Variants in TMC1 observed in about 807,000 individuals in gnomAD.
TMC1 encodes transmembrane channel like 1, also known as transmembrane channel-like protein 1.
In TMC1, 84 loss-of-function variants were observed where a neutral mutation model predicts 105.8. The observed-to-expected ratio is 0.79, with a 90% CI of 0.67 to 0.95. The LOEUF (loss-of-function observed/expected upper bound fraction) is 0.95, where lower values mean the gene tolerates loss of function less well. TMC1 is among the 40% of genes least tolerant of loss of function. The probability of loss-of-function intolerance (pLI) is 0.00; values close to 1 mark genes in which losing one functional copy is unlikely to be tolerated. For synonymous variants in TMC1, 315 were observed against 311.5 expected (o/e 1.01, Z -0.12); for missense variants, 817 against 914.1 (o/e 0.89, Z 1.37).
intron 8 of TMC1, among the ~76,000 whole-genome samples, chr9:72,738,041 C>T (rs1162281736): frequency 2.6e-5 from 4 of 152,128 alleles, no homozygotes; most frequent in Non-Finnish European, 5.9e-5. Context: ...ATTAGATACT[C>T]CCTTGTCTAC....
At chr9:72,779,011 C>T (rs1828049666) in intron 13 of TMC1, among the ~76,000 whole-genome samples, 1 of 152,192 alleles carries the variant, frequency 6.6e-6, no homozygotes. Context: ...GCCACTGCCC[C>T]GACAAAGCAC....
At chr9:72,540,285 T>G (rs547783419) in intron 1 of TMC1, among the ~76,000 whole-genome samples, 1 of 152,140 alleles carries the variant, frequency 6.6e-6, no homozygotes, top group African/African-American at 2.4e-5. Flanking sequence ...AAATGGGGGG[T>G]AGGAAGGTGA....
At chr9:72,728,162 G>C (rs992503625) in intron 8 of TMC1, among the ~76,000 whole-genome samples, 1 of 152,112 alleles carries the variant, frequency 6.6e-6, no homozygotes, top group Non-Finnish European at 1.5e-5. Context: ...GAAAGAGGAG[G>C]TTAGAACTTG....
intron 15 of TMC1, among the ~76,000 whole-genome samples, chr9:72,791,673 C>A (rs951703398): frequency 1.1e-4 from 16 of 152,194 alleles, no homozygotes; most frequent in Non-Finnish European, 2.2e-4. Flanking sequence ...CTGGCACATA[C>A]ACACACTCAG....
chr9:72,623,147 G>GTTTTTTTTTT (rs1162181237), intron 3 of TMC1, among the ~76,000 whole-genome samples: 2 of 113,678 alleles, frequency 1.8e-5, no homozygotes, highest in African/African-American at 3.4e-5. Context: ...CTCTCTCCCT[G>GTTTTTTTTTT]TTTTTTTTTT....
intron 8 of TMC1, among the ~76,000 whole-genome samples, chr9:72,711,266 C>A (rs1176784819): frequency 6.6e-6 from 1 of 152,110 alleles, no homozygotes; most frequent in Non-Finnish European, 1.5e-5. Flanking sequence ...GATTTATAAT[C>A]CTTTGGGTAT....
At chr9:72,825,435 C>CAT (rs1828936843) in intron 20 of TMC1, among the ~76,000 whole-genome samples, 1 of 152,148 alleles carries the variant, frequency 6.6e-6, no homozygotes, top group African/African-American at 2.4e-5. Context: ...ATAATTTGTA[C>CAT]GTAATTAAGA....
In TMC1 at chr9:72,548,046, C is replaced by G. The variant is rs905542602; in HGVS notation, c.-428+26133C>G. ...AACATTAATCCTATTTATGAGCACT[C>G]TACCTTCGCAACCAAAAGGCTTCAT... is the stretch of plus-strand genomic sequence containing the variant. On this transcript the variant is annotated intron_variant, in intron 1 of 23. Coordinates refer to ENST00000297784, the MANE Select transcript of TMC1 (RefSeq NM_138691.3). Among the ~76,000 whole-genome samples the G allele has an allele frequency of 1.5e-4, 23 of 152,148 alleles. 1 individual carries two copies. Among genetic ancestry groups the G allele is most frequent in the Admixed American group, 1.4e-3 (22 of 15,260 alleles).
chr9:72,738,648 C>T (rs1229748373), intron 8 of TMC1, among the ~76,000 whole-genome samples: 1 of 152,074 alleles, frequency 6.6e-6, no homozygotes, highest in Non-Finnish European at 1.5e-5. Context: ...GAACTCCTGA[C>T]CTCAAGTGAT....
chr9:72,647,707 G>A lies in TMC1; in HGVS notation c.-52-890G>A, dbSNP rs544426487. On this transcript the variant is annotated intron_variant, in intron 4 of 23. Transcript: ENST00000297784. ...GTACTAGTCTATATATTCTAGAAGG[G>A]TCATATATGTGCACAAATTGATTTG... Among the ~76,000 whole-genome samples the A allele has an allele frequency of 2.3e-4, 35 of 152,200 alleles. 1 individual carries two copies. The South Asian group carries it at 6.2e-3, about 27-fold the overall frequency.
At chr9:72,622,423 T>C (rs1038015436) in intron 3 of TMC1, among the ~76,000 whole-genome samples, 1 of 152,190 alleles carries the variant, frequency 6.6e-6, no homozygotes, top group Admixed American at 6.5e-5. Flanking sequence ...AATCTCAGCC[T>C]TGGGGCAAGG....
At chr9:72,603,414 CA>C (rs373253688) in intron 2 of TMC1, among the ~76,000 whole-genome samples, 27 of 132,488 alleles carry the variant, frequency 2.0e-4, no homozygotes, top group Non-Finnish European at 4.0e-4. Flanking sequence ...CACACACACA[CA>C]CACACACCAC....
chr9:72,723,145 A>C (rs1022144246), intron 8 of TMC1, among the ~76,000 whole-genome samples: 1 of 152,196 alleles, frequency 6.6e-6, no homozygotes, highest in Non-Finnish European at 1.5e-5. Flanking sequence ...AAAGTGCATC[A>C]ATGACTTCTT....
At chr9:72,806,178 C>G (rs996889235) in intron 18 of TMC1, among the ~76,000 whole-genome samples, 2 of 147,306 alleles carry the variant, frequency 1.4e-5, no homozygotes, top group African/African-American at 4.9e-5. Context: ...GGGGGGCTGA[C>G]CCCCCACCTC....
intron 17 of TMC1, among the ~76,000 whole-genome samples, chr9:72,801,473 C>T (rs1314486029): frequency 6.6e-6 from 1 of 152,214 alleles, no homozygotes; most frequent in African/African-American, 2.4e-5. Flanking sequence ...AGTCTGCTTA[C>T]AGAGTTTGTG....
chr9:72,685,188 G>T (rs1036933119), intron 5 of TMC1, among the ~76,000 whole-genome samples: 2 of 136,176 alleles, frequency 1.5e-5, no homozygotes, highest in African/African-American at 5.6e-5. Flanking sequence ...CTCACTGCAA[G>T]CTCCGCCTCC....
chr9:72,623,819 A>G (rs546052797), intron 3 of TMC1, among the ~76,000 whole-genome samples: 1 of 152,240 alleles, frequency 6.6e-6, no homozygotes, highest in African/African-American at 2.4e-5. Context: ...AGAGTAAATG[A>G]TAAGACCAGT....
intron 5 of TMC1, among the ~76,000 whole-genome samples, chr9:72,649,313 TCAA>T (rs1230256539): frequency 6.6e-6 from 1 of 152,218 alleles, no homozygotes; most frequent in Non-Finnish European, 1.5e-5. Flanking sequence ...GGATCTATTT[TCAA>T]CAACATTTCA....
chr9:72,661,178 A>G (rs552363049), intron 5 of TMC1, among the ~76,000 whole-genome samples: 1 of 152,128 alleles, frequency 6.6e-6, no homozygotes, highest in Admixed American at 6.6e-5. Flanking sequence ...AAGAATGTAA[A>G]TGATTGGGAG....
Sources: gnomAD v4.1 joint callset for allele counts (sites outside exome capture counted in the v4.1 genomes callset) on GRCh38, gnomAD v4.1.1 for gene constraint, MANE v1.5 for transcripts, NCBI Gene and HGNC (gene_info 2026-07-23, HGNC 2026-07-21) for gene names.